NPR3: variants seen among roughly 807,000 people sequenced by gnomAD.
NPR3 encodes atrial natriuretic peptide receptor 3.
NPR3 carries 34 observed loss-of-function variants against 54.5 expected under a neutral mutation model. That is an observed-to-expected ratio of 0.62 (90% confidence interval 0.47 to 0.83). The LOEUF is 0.83. Among genes scored for constraint, NPR3 ranks in the 40% least tolerant of loss-of-function variants. The pLI, the probability that NPR3 is intolerant of heterozygous loss-of-function variation, is 0.00. For synonymous variants in NPR3, 289 were observed against 297.1 expected (o/e 0.97, Z 0.28); for missense variants, 674 against 720.8 (o/e 0.94, Z 0.74).
At chr5:32,718,950 T>TGTG (rs1738705942) in intron 1 of NPR3, among the ~76,000 whole-genome samples, 1 of 152,230 alleles carries the variant, frequency 6.6e-6, no homozygotes, top group African/African-American at 2.4e-5. Flanking sequence ...AAAAACTGCT[T>TGTG]CCAGTTTTTG....
chr5:32,744,951 G>A (rs1383304904), intron 3 of NPR3, among the ~76,000 whole-genome samples: 2 of 152,124 alleles, frequency 1.3e-5, no homozygotes, highest in Non-Finnish European at 2.9e-5. Flanking sequence ...ATAGGAAATG[G>A]CCAAAGTACC....
In NPR3 at chr5:32,766,819, C is replaced by T. The variant is rs181378406; in HGVS notation, c.1060-7889C>T. 2.3e-4 allele frequency among the ~76,000 whole-genome samples: 35 copies of T among 152,280 alleles called. No individual in the cohort carries two copies. The South Asian group carries it at 6.0e-3, about 26-fold the overall frequency. On this transcript the variant is annotated intron_variant, in intron 3 of 7. Coordinates refer to ENST00000265074, the MANE Select transcript of NPR3 (RefSeq NM_001204375.2). ...TGTGAGGTAGGACGCTCATCCTTCA[C>T]GTCTGGCTTATTTAGAGATATCTTT...
At chr5:32,720,518 A>C (rs770293323) in intron 1 of NPR3, among the ~76,000 whole-genome samples, 16 of 152,348 alleles carry the variant, frequency 1.1e-4, no homozygotes, top group African/African-American at 3.8e-4. Flanking sequence ...GAAGCCATTT[A>C]CAGAAGTCAC....
At chr5:32,775,509 T>C (rs1741999157) in intron 4 of NPR3, among the ~76,000 whole-genome samples, 2 of 152,198 alleles carry the variant, frequency 1.3e-5, no homozygotes, top group Non-Finnish European at 2.9e-5. Flanking sequence ...TTGGCCAGGT[T>C]GATCTCTAAC....
At chr5:32,783,357 C>A (rs552465988) in intron 6 of NPR3, 1 of 199,996 alleles carries the variant, frequency 5.0e-6, no homozygotes, top group South Asian at 1.3e-4. Context: ...CACAGCAAGT[C>A]TCGTTCTGAT....
chr5:32,760,469 G>T (rs910922161), intron 3 of NPR3, among the ~76,000 whole-genome samples: 2 of 152,228 alleles, frequency 1.3e-5, no homozygotes, highest in Admixed American at 1.3e-4. Context: ...CTTTTCATGT[G>T]CTTGTTGGCT....
At chr5:32,748,528 CA>C (rs1482383251) in intron 3 of NPR3, among the ~76,000 whole-genome samples, 1 of 152,164 alleles carries the variant, frequency 6.6e-6, no homozygotes, top group Admixed American at 6.5e-5. Context: ...AGGATAAATG[CA>C]GGTTCTTCTA....
At chr5:32,723,849 TC>T (rs1250533001) in intron 1 of NPR3, among the ~76,000 whole-genome samples, 1 of 151,912 alleles carries the variant, frequency 6.6e-6, no homozygotes, top group African/African-American at 2.4e-5. Context: ...TCTCCTCTTC[TC>T]CCCTCTTCTC....
chr5:32,696,576 A>G (rs1740537954), intron 1 of NPR3, among the ~76,000 whole-genome samples: 2 of 152,010 alleles, frequency 1.3e-5, no homozygotes, highest in Non-Finnish European at 2.9e-5. Flanking sequence ...TACATTGAAT[A>G]TGTAGATGGT....
intron 6 of NPR3, among the ~76,000 whole-genome samples, chr5:32,783,995 T>C (rs927252499): frequency 6.6e-6 from 1 of 152,224 alleles, no homozygotes; most frequent in Admixed American, 6.5e-5. Context: ...TTGTTTCAAA[T>C]TGTTATCCAC....
chr5:32,743,987 A>ATCTTT (rs1425701544), intron 3 of NPR3, among the ~76,000 whole-genome samples: 2,651 of 113,572 alleles, frequency 0.023, 231 homozygotes, highest in African/African-American at 0.056. Flanking sequence ...ATTCTGATGC[A>ATCTTT]TTTTTTTTTT....
In NPR3 at chr5:32,733,807, T is replaced by G. The variant is rs114417449; in HGVS notation, c.893-5057T>G. On this transcript the variant is annotated intron_variant, in intron 2 of 7. Transcript: ENST00000265074. Reference sequence around the variant, plus strand: ...TTTTGATATTTTTTCCTCTTCTACATTTGTTTTTAACGTTTTTGTCAATCA... The same window carrying G: ...TTTTGATATTTTTTCCTCTTCTACAGTTGTTTTTAACGTTTTTGTCAATCA... Among the ~76,000 whole-genome samples, 695 of 152,290 alleles carry G rather than the reference T, an allele frequency of 4.6e-3. 4 individuals are homozygous for G. Among genetic ancestry groups the G allele is most frequent in the African/African-American group, 0.016 (662 of 41,560 alleles).
chr5:32,762,099 A>G (rs971035731), intron 3 of NPR3, among the ~76,000 whole-genome samples: 3 of 152,140 alleles, frequency 2.0e-5, no homozygotes, highest in African/African-American at 7.2e-5. Context: ...AGCTTCATCC[A>G]TGTCCTGGCA....
At chr5:32,712,996 C>A in intron 1 of NPR3, 1 of 188,092 alleles carries the variant, frequency 5.3e-6, no homozygotes, top group Non-Finnish European at 9.9e-6. Context: ...GCGGACGCCT[C>A]GCAGCGAGGC....
In NPR3 at chr5:32,711,503, A is replaced by G; in HGVS notation, c.-274A>G. On this transcript the variant is annotated 5_prime_UTR_variant, in exon 1 of 8. Transcript: ENST00000265074. ...AAACGGAGGGCGAATATATACAAGT[A>G]TATATATATGTATATTACAGACGCA... 1.7e-6 allele frequency: 2 copies of G among 1,145,826 alleles called. No homozygotes were observed. The highest frequency in any genetic ancestry group is 2.1e-6 in the Non-Finnish European group (2 of 931,200). The allele number at this position is 1,145,826 out of a possible 1,614,324, so 71.0% of individuals were successfully genotyped here.
intron 3 of NPR3, among the ~76,000 whole-genome samples, chr5:32,766,848 G>A (rs1741497214): frequency 6.6e-6 from 1 of 152,186 alleles, no homozygotes; most frequent in Admixed American, 6.5e-5. Context: ...TATCTTTGGT[G>A]AGTTCACAAC....
chr5:32,785,009 C>A, intron 7 of NPR3, 126 bp downstream of exon 7: 1 of 776,080 alleles, frequency 1.3e-6, no homozygotes, highest in Non-Finnish European at 2.1e-6. Context: ...GTTAAAAAAT[C>A]TCAGCCATTC....
rs1742904566 is a variant in NPR3 at position 32,791,417 on chromosome 5, A to G, written c.*5072A>G. The stretch of plus-strand genomic sequence containing the variant: ...CTATCATGAGTCTGGTAGAAAAGTA[A>G]AAGTAAAAGCTGCACACGTTACATA... On this transcript the variant is annotated 3_prime_UTR_variant, in exon 8 of 8. Coordinates refer to ENST00000265074, the MANE Select transcript of NPR3 (RefSeq NM_001204375.2). The G allele has an allele frequency of 6.0e-6, 1 of 167,124 alleles. No individual in the cohort carries two copies. Among genetic ancestry groups the G allele is most frequent in the Admixed American group, 6.5e-5 (1 of 15,294 alleles). 10.4% of individuals were successfully genotyped at this position (167,124 alleles called of 1,614,324 possible).
intron 3 of NPR3, among the ~76,000 whole-genome samples, chr5:32,771,513 C>T (rs1741761108): frequency 6.6e-6 from 1 of 152,090 alleles, no homozygotes. Context: ...GTAGCGGGGG[C>T]AGCTCAGAGG....
Sources: gnomAD v4.1 joint callset for allele counts (sites outside exome capture counted in the v4.1 genomes callset) on GRCh38, gnomAD v4.1.1 for gene constraint, MANE v1.5 for transcripts, NCBI Gene and HGNC (gene_info 2026-07-23, HGNC 2026-07-21) for gene names.